Variants in TRPV3 observed in about 807,000 individuals in gnomAD.
The protein encoded by TRPV3 is transient receptor potential cation channel subfamily V member 3, also known as VRL-3.
TRPV3 carries 88 observed loss-of-function variants against 87.1 expected under a neutral mutation model. That is an observed-to-expected ratio of 1.01 (90% CI 0.85 to 1.21). TRPV3 has a LOEUF of 1.21. Ranked by LOEUF, TRPV3 falls within the 50% of genes most tolerant of loss-of-function variation. The probability of loss-of-function intolerance (pLI) is 0.00; values close to 1 mark genes in which losing one functional copy is unlikely to be tolerated. For synonymous variants in TRPV3, 438 were observed against 423.3 expected, an observed-to-expected ratio of 1.03 and a Z score of -0.43; for missense variants, 1,054 against 1,030.1, an observed-to-expected ratio of 1.02 and a Z score of -0.32.
At chr17:3,517,185 A>C (rs9899701) in intron 15 of TRPV3, among the ~76,000 whole-genome samples, 151,335 of 152,212 alleles carry the variant, frequency 0.99, 75,233 homozygotes, top group Middle Eastern at 1. Flanking sequence ...TCCTATCTGA[A>C]AGTGCTGGGG....
At position 3,531,898 on chromosome 17, in the gene TRPV3, G is replaced by A. The variant is rs901652398; in HGVS notation, c.1065+759C>T. Among the ~76,000 whole-genome samples, 8 of 152,168 alleles carry A rather than the reference G, an allele frequency of 5.3e-5. No individual in the cohort carries two copies. In the East Asian group the frequency reaches 9.6e-4, roughly 18 times the overall value. ...CCTCGGGGCAGCTGACCAGGGAGGCGGGTACCCTGAGGCTGGCACAGCTGC... is the reference window on the plus strand; with the variant it reads ...CCTCGGGGCAGCTGACCAGGGAGGCAGGTACCCTGAGGCTGGCACAGCTGC... On this transcript the variant is annotated intron_variant, in intron 8 of 17. Coordinates refer to ENST00000576742, the MANE Select transcript of TRPV3 (RefSeq NM_145068.4).
chr17:3,545,322 C>T (rs1182770802), intron 2 of TRPV3, 51 bp from the exon 3 acceptor site: 1 of 1,407,628 alleles, frequency 7.1e-7, no homozygotes, highest in Non-Finnish European at 1.0e-6. Context: ...CAGAGCCTGT[C>T]TGCCTGTGTC....
At chr17:3,535,550 C>A in intron 7 of TRPV3, 23 bp downstream of exon 7, 1 of 1,560,062 alleles carries the variant, frequency 6.4e-7, no homozygotes, top group Non-Finnish European at 8.7e-7. Flanking sequence ...CCAGACTCCG[C>A]ACCGGGCGGG....
chr17:3,524,205 A>G lies in TRPV3; in HGVS notation c.1736T>C (p.Ile579Thr). ...FQSMGMYSVM[I>T]QKVILHDVLK... ...GCGCAGCTCTCAACGCACCTTCTGG[A>G]TCATGACGCTGTACATGCCCATGGA... Residue 579 changes from isoleucine to threonine, a missense_variant, in exon 13 of 18, where the codon ATC (isoleucine) becomes ACC (threonine). Physicochemically the swap from Ile to Thr is moderately conservative, Grantham distance 89. Transcript: ENST00000576742. The G allele has an allele frequency of 6.2e-7, 1 of 1,614,064 alleles. No homozygotes were observed. The highest frequency in any genetic ancestry group is 1.1e-5 in the South Asian group (1 of 91,060).
chr17:3,549,940 A>G (rs1052518266), intron 2 of TRPV3, among the ~76,000 whole-genome samples: 1 of 148,212 alleles, frequency 6.7e-6, no homozygotes, highest in Non-Finnish European at 1.5e-5. Context: ...GGATGGACAG[A>G]TGATGTATGG....
At chr17:3,531,320 A>G in intron 8 of TRPV3, among the ~76,000 whole-genome samples, 1 of 152,190 alleles carries the variant, frequency 6.6e-6, no homozygotes, top group East Asian at 1.9e-4. Flanking sequence ...TGGGAAGGAC[A>G]GTGTCAGAGA....
chr17:3,544,039 T>C (rs2074495468), intron 4 of TRPV3, among the ~76,000 whole-genome samples: 1 of 152,062 alleles, frequency 6.6e-6, no homozygotes, highest in Non-Finnish European at 1.5e-5. Context: ...GACAGAGTCT[T>C]GCTCTGTCAC....
At chr17:3,521,730 C>T (rs1008267420) in intron 13 of TRPV3, among the ~76,000 whole-genome samples, 1 of 151,844 alleles carries the variant, frequency 6.6e-6, no homozygotes, top group East Asian at 1.9e-4. Flanking sequence ...ATTTGTATTG[C>T]CAAAAAATTA....
chr17:3,525,365 G>T (rs1194905005), intron 12 of TRPV3, among the ~76,000 whole-genome samples: 1 of 152,086 alleles, frequency 6.6e-6, no homozygotes, highest in African/African-American at 2.4e-5. Flanking sequence ...AATAAGATAG[G>T]TGACTCCACT....
chr17:3,535,544 A>G, intron 7 of TRPV3, 29 bp downstream of exon 7: 1 of 1,512,254 alleles, frequency 6.6e-7, no homozygotes, highest in Non-Finnish European at 8.9e-7. Flanking sequence ...CTCCTCCCAG[A>G]CTCCGCACCG....
intron 12 of TRPV3, among the ~76,000 whole-genome samples, chr17:3,525,509 G>A (rs1445626383): frequency 6.6e-6 from 1 of 152,134 alleles, no homozygotes; most frequent in Non-Finnish European, 1.5e-5. Context: ...GACGAAAACA[G>A]TTCTAAAGAC....
intron 12 of TRPV3, 48 bp from the exon 13 acceptor site, chr17:3,524,411 C>G (rs16953127): frequency 0.031 from 49,098 of 1,606,738 alleles, 929 homozygotes; most frequent in Middle Eastern, 0.073. Context: ...TTCTCAGCAT[C>G]AGGGCAAAGA....
In TRPV3 at chr17:3,518,459, G is replaced by T; in HGVS notation, c.2085+117C>A. ...CTCAAACCTGGCCACACACTGAGGA[G>T]CTTGTGCAGATTCTCAGGCCCCACC... is the stretch of plus-strand genomic sequence containing the variant. On this transcript the variant is annotated intron_variant, in intron 15 of 17. Coordinates refer to ENST00000576742, the MANE Select transcript of TRPV3 (RefSeq NM_145068.4). The surrounding 1 kb of genome is among the most constrained non-coding windows in gnomAD (Gnocchi z 4.3). 1 of 1,238,298 alleles carries T rather than the reference G, an allele frequency of 8.1e-7. No homozygotes were observed. The highest frequency in any genetic ancestry group is 1.6e-5 in the South Asian group (1 of 63,834). 76.7% of individuals were successfully genotyped at this position (1,238,298 alleles called of 1,614,324 possible).
intron 4 of TRPV3, among the ~76,000 whole-genome samples, chr17:3,543,938 A>G (rs145612642): frequency 6.6e-6 from 1 of 152,320 alleles, no homozygotes. Flanking sequence ...AACTTTTAAA[A>G]TCTATCCTTC....
At chr17:3,537,894 A>T (rs1196654725) in intron 6 of TRPV3, among the ~76,000 whole-genome samples, 3 of 81,432 alleles carry the variant, frequency 3.7e-5, no homozygotes, top group African/African-American at 7.6e-5. Context: ...TGTCTTTTTA[A>T]AAAAAAAAAA....
intron 14 of TRPV3, among the ~76,000 whole-genome samples, chr17:3,519,510 T>TGGATGGATGGA (rs2074218242): frequency 2.8e-5 from 2 of 70,242 alleles, no homozygotes; most frequent in Non-Finnish European, 5.7e-5. Flanking sequence ...GGATGGGTGA[T>TGGATGGATGGA]TAGATGGATG....
rs1327497798 is a variant in TRPV3, at chr17:3,511,347, T to A, written c.*2570A>T. The A allele has an allele frequency of 6.6e-6, 1 of 152,150 alleles. No homozygotes were observed. The highest frequency in any genetic ancestry group is 1.5e-5 in the Non-Finnish European group (1 of 68,034). The allele number at this position is 152,150 out of a possible 1,614,324, so 9.4% of individuals were successfully genotyped here. A position where few individuals can be genotyped will look rare whatever the true frequency, so the allele number is the denominator to read the frequency against. On this transcript the variant is annotated 3_prime_UTR_variant, in exon 18 of 18. Coordinates refer to ENST00000576742, the MANE Select transcript of TRPV3 (RefSeq NM_145068.4). ...AAAATGATGGAATAACTGTGCTTTT[T>A]AAAAATAAATAAATAATGGCTCAGG...
intron 14 of TRPV3, among the ~76,000 whole-genome samples, chr17:3,519,716 GGATGGAT>G (rs2074223632): frequency 1.4e-5 from 2 of 146,424 alleles, no homozygotes; most frequent in Admixed American, 6.8e-5. Flanking sequence ...ATGGATGGAT[GGATGGAT>G]GGATGGATGG....
intron 3 of TRPV3, 129 bp downstream of exon 3, chr17:3,545,038 G>A: frequency 1.7e-6 from 1 of 604,530 alleles, no homozygotes; most frequent in East Asian, 2.9e-5. Flanking sequence ...TAATAATAAA[G>A]TTTTATAATA....
Sources: allele counts gnomAD v4.1 joint callset (sites outside exome capture counted in the v4.1 genomes callset), GRCh38; gene constraint gnomAD v4.1.1; non-coding constraint Gnocchi (gnomAD v3.1); transcripts MANE v1.5; gene names NCBI Gene and HGNC (gene_info 2026-07-23, HGNC 2026-07-21).